Variants in NCOA7 observed in about 807,000 individuals in gnomAD.
NCOA7 encodes 140 kDa estrogen receptor-associated protein.
In NCOA7, 45 loss-of-function variants were observed where a neutral mutation model predicts 104.3. The observed-to-expected ratio is 0.43, with a 90% confidence interval of 0.34 to 0.55. The LOEUF is 0.55. Among genes scored for constraint, NCOA7 ranks in the 20% least tolerant of loss-of-function variants. NCOA7 has a pLI of 0.02. For synonymous variants in NCOA7, 398 were observed against 402.3 expected (o/e 0.99, Z 0.13); for missense variants, 1,041 against 1,119.7 (o/e 0.93, Z 1.00).
intron 3 of NCOA7, among the ~76,000 whole-genome samples, chr6:125,866,996 T>G (rs1782493428): frequency 6.6e-6 from 1 of 152,224 alleles, no homozygotes; most frequent in African/African-American, 2.4e-5. Flanking sequence ...AGTGAAATAT[T>G]TATTTAAAGA....
At chr6:125,867,697 G>C (rs1044730982) in intron 3 of NCOA7, among the ~76,000 whole-genome samples, 2 of 152,128 alleles carry the variant, frequency 1.3e-5, no homozygotes, top group Non-Finnish European at 1.5e-5. Context: ...CTCACATTAG[G>C]TTCGCCTCTA....
At position 125,889,714 on chromosome 6, in the gene NCOA7, G is replaced by A; in HGVS notation, c.1660G>A (p.Gly554Arg). The change falls in exon 9 of 16, where the codon GGG becomes AGG. Residue 554 changes from glycine (G) to arginine (R), a missense_variant. Coordinates refer to ENST00000392477, the MANE Select transcript of NCOA7 (RefSeq NM_181782.5). ...ELSDGKSIEP[G>R]GIDITLSSSL... ...AAGTGATGGAAAAAGTATTGAACCA[G>A]GGGGAATAGACATTACCCTTAGTAG... 1 of 1,614,038 alleles carries A rather than the reference G, an allele frequency of 6.2e-7. No individual in the cohort carries two copies. Among genetic ancestry groups the A allele is most frequent in the Non-Finnish European group, 8.5e-7 (1 of 1,179,990 alleles).
At chr6:125,927,426 TA>T (rs1460956459) in intron 13 of NCOA7, among the ~76,000 whole-genome samples, 1 of 152,250 alleles carries the variant, frequency 6.6e-6, no homozygotes, top group African/African-American at 2.4e-5. Flanking sequence ...ACAAGTTGTC[TA>T]AGCTTTGTCA....
Position 125,889,118 on chromosome 6 carries a change from C to CAGGACA in NCOA7, c.1065_1070dup (p.Gly356_His357insGlnGly). On this transcript the variant is annotated inframe_insertion, in exon 9 of 16. Transcript: ENST00000392477. ...CCAATAGTACCTTTGGAGAAGTCCA[C>CAGGACA]AGGACATACACCTACAAAGCCCTCA... The CAGGACA allele has an allele frequency of 6.2e-7, 1 of 1,614,130 alleles. No homozygotes were observed. Among genetic ancestry groups the CAGGACA allele is most frequent in the African/African-American group, 1.3e-5 (1 of 75,052 alleles).
intron 2 of NCOA7, chr6:125,818,894 A>G (rs1562823880): frequency 6.6e-6 from 1 of 152,398 alleles, no homozygotes; most frequent in Non-Finnish European, 1.5e-5. Context: ...TCTGGAGAGA[A>G]GGATAAAATG....
intron 1 of NCOA7, among the ~76,000 whole-genome samples, chr6:125,803,671 A>C (rs1203247705): frequency 6.6e-6 from 1 of 152,246 alleles, no homozygotes; most frequent in African/African-American, 2.4e-5. Flanking sequence ...AAGGCAAAGA[A>C]GTACATGGCC....
At chr6:125,855,443 C>A in intron 3 of NCOA7, 1 of 496,792 alleles carries the variant, frequency 2.0e-6, no homozygotes, top group East Asian at 3.5e-5. Flanking sequence ...GTGTTCCCAG[C>A]ATTTAGCACA....
intron 11 of NCOA7, chr6:125,919,304 G>A: frequency 1.2e-6 from 2 of 1,612,694 alleles, no homozygotes; most frequent in South Asian, 2.2e-5. Flanking sequence ...AAGCAGAGTA[G>A]AGAGAAAACT....
At chr6:125,883,713 CTTTTTTTTTT>C (rs35489978) in intron 7 of NCOA7, among the ~76,000 whole-genome samples, 1 of 85,932 alleles carries the variant, frequency 1.2e-5, no homozygotes, top group Non-Finnish European at 2.2e-5. Flanking sequence ...ACCTACACCT[CTTTTTTTTTT>C]TTTTTTTTTT....
At chr6:125,840,259 A>G (rs944486905) in intron 2 of NCOA7, among the ~76,000 whole-genome samples, 4 of 152,134 alleles carry the variant, frequency 2.6e-5, no homozygotes, top group Admixed American at 2.0e-4. Context: ...ATATTTTTGT[A>G]TGCTATACAA....
intron 10 of NCOA7, among the ~76,000 whole-genome samples, chr6:125,907,323 G>A (rs1786104538): frequency 6.6e-6 from 1 of 152,178 alleles, no homozygotes; most frequent in African/African-American, 2.4e-5. Context: ...CCCAAGGTTT[G>A]GGCGACTCTA....
At chr6:125,810,361 T>C (rs1776868141) in intron 1 of NCOA7, 1 of 152,246 alleles carries the variant, frequency 6.6e-6, no homozygotes. Flanking sequence ...AGGATTTTTA[T>C]GTGCTATTTT....
chr6:125,861,883 AAAAATT>A (rs1782077473), intron 3 of NCOA7, among the ~76,000 whole-genome samples: 1 of 150,770 alleles, frequency 6.6e-6, no homozygotes, highest in South Asian at 2.1e-4. Context: ...CTAAAAATAC[AAAAATT>A]AGCTGGGCGT....
At chr6:125,876,169 G>A (rs1222618875) in intron 4 of NCOA7, among the ~76,000 whole-genome samples, 1 of 152,130 alleles carries the variant, frequency 6.6e-6, no homozygotes, top group African/African-American at 2.4e-5. Flanking sequence ...TATAAGACAG[G>A]CAGCAAGATC....
chr6:125,874,099 C>T (rs1173756799), intron 3 of NCOA7, among the ~76,000 whole-genome samples: 3 of 152,072 alleles, frequency 2.0e-5, no homozygotes, highest in Admixed American at 1.3e-4. Flanking sequence ...CTGAGGCGGG[C>T]GGATCACCTG....
chr6:125,899,922 C>T (rs1218718088), intron 10 of NCOA7: 9 of 521,912 alleles, frequency 1.7e-5, no homozygotes, highest in African/African-American at 5.8e-5. Flanking sequence ...TTTCTGGTGG[C>T]GGAGCAAGCT....
intron 1 of NCOA7, among the ~76,000 whole-genome samples, chr6:125,791,736 G>T (rs1300188110): frequency 6.6e-6 from 1 of 152,142 alleles, no homozygotes; most frequent in African/African-American, 2.4e-5. Flanking sequence ...ACAGGTGTCG[G>T]GAGTTGAGAT....
chr6:125,827,603 G>C (rs1012324289), intron 2 of NCOA7, among the ~76,000 whole-genome samples: 52 of 152,168 alleles, frequency 3.4e-4, no homozygotes, highest in African/African-American at 1.2e-3. Flanking sequence ...TAATACTCAT[G>C]TGTTAATGAC....
chr6:125,865,820 C>T lies in NCOA7; in HGVS notation c.272-9069C>T, dbSNP rs530371855. On this transcript the variant is annotated intron_variant, in intron 3 of 15. Transcript: ENST00000392477. ...CGGGGACTATAGGCATGTAGCACCACGCCTGGCTAATTTTTATATTTTCTT... is the reference window on the plus strand; with the variant it reads ...CGGGGACTATAGGCATGTAGCACCATGCCTGGCTAATTTTTATATTTTCTT... 5.9e-5 allele frequency among the ~76,000 whole-genome samples: 8 copies of T among 134,828 alleles called. 3 individuals are homozygous for T. The highest frequency in any genetic ancestry group is 2.5e-4 in the African/African-American group (8 of 31,792). The allele number at this position is 134,828 out of a possible 152,430, so 88.5% of individuals were successfully genotyped here.
Sources: allele counts gnomAD v4.1 joint callset (sites outside exome capture counted in the v4.1 genomes callset), GRCh38; gene constraint gnomAD v4.1.1; transcripts MANE v1.5; gene names NCBI Gene and HGNC (gene_info 2026-07-23, HGNC 2026-07-21).